MAP4K4: variants seen among roughly 807,000 people sequenced by gnomAD.
MAP4K4 encodes the protein mitogen-activated protein kinase kinase kinase kinase 4, also known as HPK/GCK-like kinase HGK.
In MAP4K4, 38 loss-of-function variants were observed where a neutral mutation model predicts 189.6. The observed-to-expected ratio is 0.20, with a 90% CI of 0.15 to 0.26. MAP4K4 has a LOEUF of 0.26. Among genes scored for constraint, MAP4K4 ranks in the 10% least tolerant of loss-of-function variants. The pLI is 1.00. For missense variants in MAP4K4, 1,054 were observed against 1,726.9 expected (o/e 0.61, Z 6.91); for synonymous variants, 610 against 624.3 (o/e 0.98, Z 0.34).
intron 9 of MAP4K4, among the ~76,000 whole-genome samples, chr2:101,838,550 C>A (rs1335202337): frequency 6.6e-6 from 1 of 152,186 alleles, no homozygotes; most frequent in Non-Finnish European, 1.5e-5. Flanking sequence ...TCTTCTCTGT[C>A]CTACCTTATG....
At chr2:101,727,985 A>AC (rs1325910941) in intron 2 of MAP4K4, among the ~76,000 whole-genome samples, 1 of 152,184 alleles carries the variant, frequency 6.6e-6, no homozygotes, top group East Asian at 1.9e-4. Context: ...AGGTGGCAAG[A>AC]CCAAATAAGG....
intron 2 of MAP4K4, among the ~76,000 whole-genome samples, chr2:101,736,667 T>C (rs60580326): frequency 0.065 from 9,873 of 152,230 alleles, 873 homozygotes; most frequent in African/African-American, 0.2. Context: ...GATTGTCCTG[T>C]ACAAGTAAGC....
At chr2:101,730,875 A>G (rs2058137103) in intron 2 of MAP4K4, among the ~76,000 whole-genome samples, 4 of 151,758 alleles carry the variant, frequency 2.6e-5, no homozygotes, top group South Asian at 4.2e-4. Flanking sequence ...GTGAAACCCC[A>G]TCTCTACAAA....
rs561044669 is a variant in MAP4K4, at chr2:101,841,986, T to C, written c.950-623T>C. 5.9e-5 allele frequency among the ~76,000 whole-genome samples: 9 copies of C among 152,350 alleles called. No individual in the cohort carries two copies. The East Asian group carries it at 1.2e-3, about 20-fold the overall frequency. ...AATGAGTTATTGATGTTGAAACTTT[T>C]GTTTGTTTGAAGTCTGGCCTAAGTA... On this transcript the variant is annotated intron_variant, in intron 10 of 32. Transcript: ENST00000324219.
exon 31 of MAP4K4, chr2:101,887,807 C>A (rs1483701575): frequency 1.2e-6 from 2 of 1,612,122 alleles, no homozygotes; most frequent in Non-Finnish European, 1.7e-6. Flanking sequence ...CCCATGCAAT[C>A]ATCATCCTCC....
At chr2:101,706,535 A>G (rs918384464) in intron 2 of MAP4K4, among the ~76,000 whole-genome samples, 4 of 152,192 alleles carry the variant, frequency 2.6e-5, no homozygotes, top group African/African-American at 9.7e-5. Flanking sequence ...CTCCTCAGAT[A>G]CCCTAAAAGG....
intron 12 of MAP4K4, among the ~76,000 whole-genome samples, chr2:101,851,102 A>G (rs1271575303): frequency 3.3e-5 from 5 of 152,222 alleles, no homozygotes; most frequent in Non-Finnish European, 7.3e-5. Flanking sequence ...GTGAGATGAA[A>G]GCTTTGCTTT....
In MAP4K4 at chr2:101,823,831, G is replaced by A. The variant is rs930237425; in HGVS notation, c.181-97G>A. On this transcript the variant is annotated intron_variant, in intron 3 of 32. Coordinates refer to ENST00000324219, the Ensembl canonical transcript of MAP4K4. ...TGTGCCTCTGCTCCTGGAGGATGGA[G>A]AACTTGTGTTCCTTTCATTATTGTA... The A allele has an allele frequency of 5.0e-5, 53 of 1,054,866 alleles. No homozygotes were observed. The Admixed American group carries it at 1.0e-3, about 21-fold the overall frequency. 65.3% of individuals were successfully genotyped at this position (1,054,866 alleles called of 1,614,324 possible).
At chr2:101,756,393 A>G (rs560116099) in intron 2 of MAP4K4, among the ~76,000 whole-genome samples, 2 of 152,198 alleles carry the variant, frequency 1.3e-5, no homozygotes, top group East Asian at 1.9e-4. Flanking sequence ...CCCGTTTCCT[A>G]TTTTGCAGCT....
chr2:101,865,234 C>T (rs189636162), intron 18 of MAP4K4, among the ~76,000 whole-genome samples, 198 bp downstream of exon 18: 15 of 152,264 alleles, frequency 9.9e-5, no homozygotes, highest in African/African-American at 2.4e-4. Flanking sequence ...GGTTTGAATC[C>T]GGATGTGTAT....
At chr2:101,858,575 A>G (rs2097545083) in intron 13 of MAP4K4, among the ~76,000 whole-genome samples, 1 of 151,780 alleles carries the variant, frequency 6.6e-6, no homozygotes, top group Non-Finnish European at 1.5e-5. Flanking sequence ...AGGTTTCAAA[A>G]ATTGGTGATC....
chr2:101,737,000 T>A (rs1244409864), intron 2 of MAP4K4, among the ~76,000 whole-genome samples: 1 of 152,204 alleles, frequency 6.6e-6, no homozygotes, highest in East Asian at 1.9e-4. Context: ...TTATGAGCTG[T>A]CCATGTACAG....
At chr2:101,821,275 C>A (rs1018247552) in intron 3 of MAP4K4, among the ~76,000 whole-genome samples, 1 of 152,102 alleles carries the variant, frequency 6.6e-6, no homozygotes, top group Admixed American at 6.6e-5. Flanking sequence ...GACAAGTGTT[C>A]TTGTAGAATA....
intron 2 of MAP4K4, among the ~76,000 whole-genome samples, chr2:101,758,829 C>T (rs994940557): frequency 2.0e-5 from 3 of 152,066 alleles, no homozygotes; most frequent in Non-Finnish European, 4.4e-5. Context: ...TATGGATGTT[C>T]GCCACTATAA....
intron 9 of MAP4K4, among the ~76,000 whole-genome samples, chr2:101,839,501 C>G (rs1051896737): frequency 3.2e-4 from 49 of 152,258 alleles, no homozygotes; most frequent in Non-Finnish European, 6.2e-4. Context: ...CTTGCTGCCA[C>G]CACTCCTGTT....
At chr2:101,847,911 A>C (rs2097159216) in intron 12 of MAP4K4, among the ~76,000 whole-genome samples, 1 of 152,152 alleles carries the variant, frequency 6.6e-6, no homozygotes, top group Non-Finnish European at 1.5e-5. Flanking sequence ...TAGCATTTGT[A>C]ATCTTTTATA....
intron 2 of MAP4K4, among the ~76,000 whole-genome samples, chr2:101,746,209 A>G (rs1328570874): frequency 4.0e-5 from 6 of 151,456 alleles, no homozygotes. Flanking sequence ...GCTGGTCTTC[A>G]ACTCCTGGGC....
intron 2 of MAP4K4, among the ~76,000 whole-genome samples, chr2:101,741,088 G>C (rs2062545371): frequency 6.6e-6 from 1 of 151,996 alleles, no homozygotes; most frequent in African/African-American, 2.4e-5. Flanking sequence ...AGGACTCTTG[G>C]AGCACTACTG....
chr2:101,729,612 A>G (rs1283666338), intron 2 of MAP4K4, among the ~76,000 whole-genome samples: 1 of 152,222 alleles, frequency 6.6e-6, no homozygotes, highest in African/African-American at 2.4e-5. Flanking sequence ...TTGAAATGAG[A>G]TCCAGCTACA....
Sources: allele counts gnomAD v4.1 joint callset (sites outside exome capture counted in the v4.1 genomes callset), GRCh38; gene constraint gnomAD v4.1.1; transcripts MANE v1.5; gene names NCBI Gene and HGNC (gene_info 2026-07-23, HGNC 2026-07-21).